The following NAA15 variants were observed in gnomAD, a reference collection of about 807,000 sequenced individuals.
NAA15 encodes N-alpha-acetyltransferase 15, NatA auxiliary subunit, also known as N-terminal acetyltransferase.
Under a neutral mutation model 114.0 loss-of-function variants are expected in NAA15, and 34 were observed. The observed-to-expected ratio is 0.30, with a 90% confidence interval of 0.23 to 0.40. NAA15 has a LOEUF of 0.40. NAA15 is among the 10% of genes least tolerant of loss of function. NAA15 has a pLI of 1.00. For synonymous variants in NAA15, 340 were observed against 338.0 expected (o/e 1.01, Z -0.06); for missense variants, 658 against 1,004.5 (o/e 0.66, Z 4.66).
intron 14 of NAA15, among the ~76,000 whole-genome samples, chr4:139,365,681 A>T (rs1005038011): frequency 2.0e-5 from 3 of 151,822 alleles, no homozygotes; most frequent in Non-Finnish European, 2.9e-5. Flanking sequence ...ACAAATACAA[A>T]AAAAACCCCA....
intron 17 of NAA15, among the ~76,000 whole-genome samples, chr4:139,380,156 T>C (rs780642091): frequency 3.9e-4 from 60 of 152,320 alleles, no homozygotes; most frequent in South Asian, 6.2e-4. Context: ...AGAAGTGTTT[T>C]TCCTCAATTT....
chr4:139,346,745 C>T (rs1364957785), intron 6 of NAA15, among the ~76,000 whole-genome samples: 1 of 152,052 alleles, frequency 6.6e-6, no homozygotes, highest in Non-Finnish European at 1.5e-5. Flanking sequence ...AGGCTTTCTC[C>T]ATATTGGTCA....
chr4:139,354,442 A>G (rs1747876092), intron 10 of NAA15, among the ~76,000 whole-genome samples: 1 of 151,590 alleles, frequency 6.6e-6, no homozygotes, highest in Admixed American at 6.6e-5. Context: ...GGGACCACAG[A>G]CATGCACCAT....
intron 1 of NAA15, among the ~76,000 whole-genome samples, chr4:139,304,687 C>T (rs1745948810): frequency 6.6e-6 from 1 of 152,102 alleles, no homozygotes. Flanking sequence ...TGGATGCAGA[C>T]ACCAAGGATA....
In NAA15 at chr4:139,315,044, AGG is replaced by A. The variant is rs1746357174; in HGVS notation, c.54+13214_54+13215del. ...AGGTTAGGTTAGGTTAGGTTAGGTT[AGG>A]TTAGGTTAGTTTAGTTTAGTTTAGT... is the stretch of plus-strand genomic sequence containing the variant. On this transcript the variant is annotated intron_variant, in intron 1 of 19. Transcript: ENST00000296543. Among the ~76,000 whole-genome samples, 3 of 98,600 alleles carry A rather than the reference AGG, an allele frequency of 3.0e-5. 1 individual carries two copies. Among genetic ancestry groups the A allele is most frequent in the African/African-American group, 4.5e-5 (1 of 22,044 alleles). 64.7% of individuals were successfully genotyped at this position (98,600 alleles called of 152,430 possible).
intron 1 of NAA15, among the ~76,000 whole-genome samples, chr4:139,307,467 A>G (rs1415998632): frequency 6.6e-6 from 1 of 152,132 alleles, no homozygotes; most frequent in Admixed American, 6.5e-5. Flanking sequence ...GGGTTTCGCC[A>G]TGTTGGCCAG....
chr4:139,373,460 A>G (rs1748498755), intron 15 of NAA15, among the ~76,000 whole-genome samples: 1 of 152,204 alleles, frequency 6.6e-6, no homozygotes, highest in South Asian at 2.1e-4. Context: ...ACTATATAAA[A>G]TAAAATCAAA....
At chr4:139,369,399 T>A (rs1748370618) in intron 14 of NAA15, among the ~76,000 whole-genome samples, 1 of 152,150 alleles carries the variant, frequency 6.6e-6, no homozygotes, top group Non-Finnish European at 1.5e-5. Context: ...TTCAAGAAAG[T>A]TTTCTGAAGT....
At chr4:139,383,073 C>T (rs369623712) in intron 17 of NAA15, among the ~76,000 whole-genome samples, 49 of 152,154 alleles carry the variant, frequency 3.2e-4, no homozygotes, top group Non-Finnish European at 5.6e-4. Flanking sequence ...ATGTATTTGT[C>T]GCAGTACAAA....
chr4:139,387,784 T>C, intron 19 of NAA15, 100 bp from the exon 20 acceptor site: 4 of 919,094 alleles, frequency 4.4e-6, no homozygotes, highest in Non-Finnish European at 5.1e-6. Flanking sequence ...TGTGTATTTA[T>C]TTCTTATTTT....
rs1404658370 is a variant in NAA15 at position 139,368,089 on chromosome 4, G to GT, written c.1754-2117dup. On this transcript the variant is annotated intron_variant, in intron 14 of 19. Coordinates refer to ENST00000296543, the MANE Select transcript of NAA15 (RefSeq NM_057175.5). ...CTCCAAAGTTATTCCCACATTTTAG[G>GT]TTTTTGTTACAGCAGTATCTCATGT... Among the ~76,000 whole-genome samples the GT allele has an allele frequency of 2.6e-5, 4 of 152,196 alleles. No homozygotes were observed. The East Asian group carries it at 7.7e-4, about 29-fold the overall frequency.
At chr4:139,340,201 A>T (rs939028702) in intron 3 of NAA15, among the ~76,000 whole-genome samples, 5 of 152,116 alleles carry the variant, frequency 3.3e-5, no homozygotes, top group African/African-American at 1.2e-4. Flanking sequence ...GTGTGCCTGT[A>T]GTCGCAGCTA....
chr4:139,318,969 C>T (rs1475971249), intron 1 of NAA15, among the ~76,000 whole-genome samples: 1 of 152,132 alleles, frequency 6.6e-6, no homozygotes, highest in Non-Finnish European at 1.5e-5. Flanking sequence ...AGTTACAGGG[C>T]GATAGTTTGG....
chr4:139,373,832 G>A (rs1050556838), intron 15 of NAA15, among the ~76,000 whole-genome samples: 2 of 152,008 alleles, frequency 1.3e-5, no homozygotes, highest in African/African-American at 2.4e-5. Context: ...CCCAGTAGCT[G>A]GGATTACAGG....
intron 13 of NAA15, 41 bp from the exon 14 acceptor site, chr4:139,361,683 T>C: frequency 1.6e-6 from 2 of 1,269,222 alleles, no homozygotes; most frequent in Non-Finnish European, 2.2e-6. Flanking sequence ...TCTTAGCCAT[T>C]GCTGTACTTC....
Position 139,354,111 on chromosome 4 carries a change from GT to G in NAA15, c.1087+17del. ...TTTAACCCCAATGGTAAGTCCTCAAGTTTTATGTTTTAAAAACATCTTGAAA... is the reference window on the plus strand; with the variant it reads ...TTTAACCCCAATGGTAAGTCCTCAAGTTTATGTTTTAAAAACATCTTGAAA... On this transcript the variant is annotated intron_variant, in intron 10 of 19. Transcript: ENST00000296543. 2 of 1,601,116 alleles carry G rather than the reference GT, an allele frequency of 1.2e-6. No individual in the cohort carries two copies. The highest frequency in any genetic ancestry group is 1.7e-6 in the Non-Finnish European group (2 of 1,170,132).
chr4:139,349,072 T>A (rs901029202), intron 6 of NAA15, among the ~76,000 whole-genome samples: 2 of 152,200 alleles, frequency 1.3e-5, no homozygotes, highest in African/African-American at 4.8e-5. Flanking sequence ...TGTAGCTGAT[T>A]AAGGGATCAT....
At chr4:139,360,183 G>A (rs1342665940) in intron 12 of NAA15, among the ~76,000 whole-genome samples, 1 of 152,046 alleles carries the variant, frequency 6.6e-6, no homozygotes, top group Non-Finnish European at 1.5e-5. Flanking sequence ...CTGCTATGTG[G>A]TGGTGTTCTT....
intron 1 of NAA15, among the ~76,000 whole-genome samples, chr4:139,328,573 C>CTTTTTT (rs56025831): frequency 7.6e-6 from 1 of 132,416 alleles, no homozygotes; most frequent in African/African-American, 2.8e-5. Flanking sequence ...TCTTTCTTTT[C>CTTTTTT]TTTTTTTTTT....
Sources: allele counts gnomAD v4.1 joint callset (sites outside exome capture counted in the v4.1 genomes callset), GRCh38; gene constraint gnomAD v4.1.1; transcripts MANE v1.5; gene names NCBI Gene and HGNC (gene_info 2026-07-23, HGNC 2026-07-21).